Variants in DHX8 observed in about 807,000 individuals in gnomAD.
DHX8 encodes DEAH-box helicase 8, also known as ATP-dependent RNA helicase DHX8.
Under a neutral mutation model 140.7 loss-of-function variants are expected in DHX8, and 67 were observed. The ratio of observed to expected loss-of-function variants is 0.48; its 90% CI spans 0.39 to 0.58. DHX8 has a LOEUF of 0.58. DHX8 is among the 20% of genes least tolerant of loss of function. The probability of loss-of-function intolerance (pLI) is 0.00; values close to 1 mark genes in which losing one functional copy is unlikely to be tolerated. For synonymous variants in DHX8, 533 were observed against 553.2 expected (o/e 0.96, Z 0.51); for missense variants, 887 against 1,550.7 (o/e 0.57, Z 7.19).
intron 18 of DHX8, 69 bp from the exon 19 acceptor site, chr17:43,520,061 A>C: frequency 6.4e-7 from 1 of 1,565,066 alleles, no homozygotes; most frequent in South Asian, 1.1e-5. Flanking sequence ...AGTAACAAGT[A>C]GCTTCCCCAC....
At chr17:43,500,785 C>T (rs1433450759) in intron 11 of DHX8, among the ~76,000 whole-genome samples, 3 of 151,866 alleles carry the variant, frequency 2.0e-5, no homozygotes, top group Admixed American at 2.0e-4. Flanking sequence ...GTGGTGCGCG[C>T]CTGTAGTCCC....
intron 3 of DHX8, among the ~76,000 whole-genome samples, chr17:43,538,753 G>A (rs1971369699): frequency 6.6e-6 from 1 of 152,160 alleles, no homozygotes; most frequent in Non-Finnish European, 1.5e-5. Flanking sequence ...ATTCCAGGAA[G>A]AGAGTGGTTC....
At position 43,523,514 on chromosome 17, in the gene DHX8, C is replaced by A. The variant is rs1970491403; in HGVS notation, c.3444-114C>A. The A allele has an allele frequency of 3.3e-6, 5 of 1,500,704 alleles. No homozygotes were observed. In the South Asian group the frequency reaches 5.2e-5, roughly 16 times the overall value. 93.0% of individuals were successfully genotyped at this position (1,500,704 alleles called of 1,614,324 possible). ...AGACTGCAGTCTTATAGGTGTCAGG[C>A]AGGAGAGGTAATAGTATAAAATGTA... On this transcript the variant is annotated intron_variant, in intron 22 of 22. Transcript: ENST00000262415.
intron 3 of DHX8, chr17:43,543,997 G>A (rs190193414): frequency 1.1e-4 from 17 of 152,252 alleles, no homozygotes; most frequent in Admixed American, 5.9e-4. Flanking sequence ...AGGGTGGAGG[G>A]ATGAGGAGAT....
chr17:43,494,253 G>A (rs8075037), intron 8 of DHX8, among the ~76,000 whole-genome samples: 5 of 152,142 alleles, frequency 3.3e-5, no homozygotes, highest in South Asian at 2.1e-4. Flanking sequence ...TTCAGTTACC[G>A]TCCACTGGGT....
At chr17:43,508,834 T>C (rs958101946) in intron 16 of DHX8, among the ~76,000 whole-genome samples, 2 of 152,028 alleles carry the variant, frequency 1.3e-5, no homozygotes, top group African/African-American at 4.8e-5. Context: ...TTAGCCAGTA[T>C]GGTCTCGATC....
rs199582761 is a variant in DHX8, at chr17:43,533,925, G to A, written c.351-2487G>A. On this transcript the variant is annotated intron_variant, in intron 2 of 3. Transcript: ENST00000589898. ...CGGCTTCCTGCTGCAGGACAGGGCC[G>A]GGTCTGTGCGGGGACTCTGGGGCTC... is the stretch of plus-strand genomic sequence containing the variant. 1.1e-4 allele frequency: 170 copies of A among 1,582,470 alleles called. 1 individual carries two copies. The Admixed American group carries it at 1.7e-3, about 16-fold the overall frequency.
At chr17:43,529,431 C>T (rs1970769182), downstream of DHX8, 1 of 1,537,844 alleles carries the variant, frequency 6.5e-7, no homozygotes. Flanking sequence ...GCACGTGCCA[C>T]CATTTCCCAG....
intron 1 of DHX8, among the ~76,000 whole-genome samples, chr17:43,484,412 C>T (rs897371156): frequency 1.3e-5 from 2 of 152,104 alleles, no homozygotes; most frequent in Admixed American, 6.6e-5. Flanking sequence ...CCGGGGCGGT[C>T]ATCTCTGCTT....
chr17:43,495,694 C>T (rs1968814964), intron 8 of DHX8, among the ~76,000 whole-genome samples: 1 of 152,176 alleles, frequency 6.6e-6, no homozygotes, highest in Non-Finnish European at 1.5e-5. Context: ...TGGAGAACCA[C>T]CTCTGCAACC....
downstream of DHX8, chr17:43,529,575 C>A: frequency 6.2e-7 from 1 of 1,614,128 alleles, no homozygotes; most frequent in Non-Finnish European, 8.5e-7. Flanking sequence ...TTTGTTGGGT[C>A]ATCCAGCAAG....
chr17:43,484,172 C>T lies in DHX8; in HGVS notation c.135C>T (p.Asn45=). The change falls in exon 1 of 23, where the codon AAC becomes AAT. Residue 45 remains asparagine (N), a synonymous_variant. Transcript: ENST00000262415. Reference sequence around the variant, plus strand: ...AGCTGGACAATCACTTGGGGATCAACGACAAGGACCTTGGTGAGCTCGGGG... The same window carrying T: ...AGCTGGACAATCACTTGGGGATCAATGACAAGGACCTTGGTGAGCTCGGGG... ...CTELDNHLGI[N]DKDLAEFVIS... is the part of the protein sequence containing the mutation. 6.2e-7 allele frequency: 1 copy of T among 1,613,982 alleles called. No individual in the cohort carries two copies. The highest frequency in any genetic ancestry group is 8.5e-7 in the Non-Finnish European group (1 of 1,179,950).
intron 12 of DHX8, among the ~76,000 whole-genome samples, chr17:43,505,368 C>A (rs141271313): frequency 6.6e-6 from 1 of 151,832 alleles, no homozygotes; most frequent in African/African-American, 2.4e-5. Context: ...AAGATCACGC[C>A]GCTGCACTCC....
chr17:43,486,448 C>T (rs769092169), intron 1 of DHX8, among the ~76,000 whole-genome samples: 7 of 152,140 alleles, frequency 4.6e-5, no homozygotes, highest in Admixed American at 4.6e-4. Flanking sequence ...TCTAAAAGAA[C>T]TGTAATACTG....
At chr17:43,490,490 G>T (rs375509471) in intron 3 of DHX8, 27 bp downstream of exon 3, 2 of 1,582,536 alleles carry the variant, frequency 1.3e-6, no homozygotes. Context: ...GCTGAGCTTA[G>T]CTTCTAGAAT....
At position 43,484,348 on chromosome 17, in the gene DHX8, G is replaced by A. The variant is rs555343633; in HGVS notation, c.148+163G>A. Reference sequence around the variant, plus strand: ...CCAGGGTACACGCTGCCGTGGCCTCGGCTTGAGAGCCCTCGAGAAACTTTA... The same window carrying A: ...CCAGGGTACACGCTGCCGTGGCCTCAGCTTGAGAGCCCTCGAGAAACTTTA... On this transcript the variant is annotated intron_variant, in intron 1 of 22. Transcript: ENST00000262415. Among the ~76,000 whole-genome samples, 8 of 152,260 alleles carry A rather than the reference G, an allele frequency of 5.3e-5. No homozygotes were observed. The East Asian group carries it at 1.5e-3, about 29-fold the overall frequency.
At chr17:43,530,061 C>A (rs778233950), downstream of DHX8, 3 of 1,611,772 alleles carry the variant, frequency 1.9e-6, no homozygotes, top group Non-Finnish European at 1.7e-6. Flanking sequence ...GCAGCGCTCC[C>A]TCCCCCAACA....
At chr17:43,512,183 T>G (rs1969879668) in intron 16 of DHX8, among the ~76,000 whole-genome samples, 1 of 151,414 alleles carries the variant, frequency 6.6e-6, no homozygotes, top group African/African-American at 2.4e-5. Flanking sequence ...GGTCAGGAGT[T>G]CGAGACCAGC....
Position 43,520,873 on chromosome 17 carries a change from GC to G in DHX8, c.3063del (p.Lys1022ArgfsTer25), listed in dbSNP as rs755964360. 1.9e-6 allele frequency: 3 copies of G among 1,608,686 alleles called. No homozygotes were observed. The highest frequency in any genetic ancestry group is 2.5e-6 in the Non-Finnish European group (3 of 1,177,904). On this transcript the variant is annotated frameshift_variant, in exon 20 of 23. Transcript: ENST00000262415. LOFTEE classifies it high-confidence loss of function. ...TGTCTGTGCAGAACGTCTTCTATAG[GC>G]CCAAGGTAGGAAGTTCAGATCCAAG... ...MLSVQNVFYR[P>X]KDKQALADQK...
Sources: allele counts gnomAD v4.1 joint callset (sites outside exome capture counted in the v4.1 genomes callset), GRCh38; gene constraint gnomAD v4.1.1; transcripts MANE v1.5; gene names NCBI Gene and HGNC (gene_info 2026-07-23, HGNC 2026-07-21).